Variants in CFAP47 observed in about 807,000 individuals in gnomAD.
CFAP47 encodes cilia- and flagella-associated protein 47.
Under a neutral mutation model 148.1 loss-of-function variants are expected in CFAP47, and 29 were observed. The ratio of observed to expected loss-of-function variants is 0.20; its 90% CI spans 0.15 to 0.27. The LOEUF (loss-of-function observed/expected upper bound fraction) is 0.27. CFAP47 is among the 10% of genes least tolerant of loss of function. CFAP47 has a pLI of 1.00. For missense variants in CFAP47, 1,872 were observed against 1,697.5 expected (o/e 1.10, Z -1.81); for synonymous variants, 664 against 577.3 (o/e 1.15, Z -2.15).
In CFAP47 at chrX:36,268,123, T is replaced by G. The variant is rs1556001330; in HGVS notation, c.7445-12364T>G. On this transcript the variant is annotated intron_variant, in intron 49 of 63. Coordinates refer to ENST00000378653, the MANE Select transcript of CFAP47 (RefSeq NM_001304548.2). The stretch of plus-strand genomic sequence containing the variant: ...ATGTCACATACGGCATTTTCTGCCT[T>G]TACATAAGATGATCTGTCCTCTGAT... Among the ~76,000 whole-genome samples the G allele has an allele frequency of 7.1e-5, 8 of 113,470 alleles. No homozygotes were observed. The South Asian group carries it at 2.5e-3, about 36-fold the overall frequency.
At chrX:36,185,461 G>A (rs973121586) in intron 40 of CFAP47, among the ~76,000 whole-genome samples, 5 of 111,368 alleles carry the variant, frequency 4.5e-5, no homozygotes. Context: ...TGAAGGCCAA[G>A]TATGGTAGTT....
rs1941601565 is a variant in CFAP47, at chrX:36,335,974, A to G, written c.8444-12155A>G. Among the ~76,000 whole-genome samples, 4 of 111,198 alleles carry G rather than the reference A, an allele frequency of 3.6e-5. No individual in the cohort carries two copies. In the Admixed American group the frequency reaches 3.8e-4, roughly 11 times the overall value. ...TGAGAAAACTGTAAAGGATAAAGAC[A>G]TACACTATACTTGGCGTTTGTAATA... On this transcript the variant is annotated intron_variant, in intron 57 of 63. Transcript: ENST00000378653.
In CFAP47 at chrX:36,121,735, T is replaced by A. The variant is rs190811851; in HGVS notation, c.5321-16223T>A. ...TCTTTTTATATTGTATAGTACTGTC[T>A]ATGTCTTGTAATGTTTTTGTAGTTA... On this transcript the variant is annotated intron_variant, in intron 33 of 63. Transcript: ENST00000378653. Among the ~76,000 whole-genome samples, 593 of 111,655 alleles carry A rather than the reference T, an allele frequency of 5.3e-3. 3 individuals are homozygous for A. The highest frequency in any genetic ancestry group is 0.017 in the African/African-American group (527 of 30,794).
chrX:36,055,819 C>T (rs1937550325), intron 26 of CFAP47, among the ~76,000 whole-genome samples: 1 of 111,949 alleles, frequency 8.9e-6, no homozygotes, highest in African/African-American at 3.2e-5. Flanking sequence ...TCACCAGCAT[C>T]TGTTGTTTCT....
intron 46 of CFAP47, among the ~76,000 whole-genome samples, chrX:36,229,681 A>G (rs1314023073): frequency 9.1e-6 from 1 of 109,469 alleles, no homozygotes; most frequent in African/African-American, 3.3e-5. Context: ...ACATATGTAT[A>G]CATGTGCCAT....
intron 56 of CFAP47, among the ~76,000 whole-genome samples, chrX:36,318,402 C>A (rs1255374351): frequency 3.6e-5 from 4 of 111,346 alleles, no homozygotes; most frequent in African/African-American, 1.3e-4. Context: ...CCTTCTGTAT[C>A]CATAGGGGAT....
chrX:36,126,549 A>G (rs951654188), intron 33 of CFAP47, among the ~76,000 whole-genome samples: 3 of 112,119 alleles, frequency 2.7e-5, no homozygotes, highest in Non-Finnish European at 5.6e-5. Flanking sequence ...TAGTGCTGCA[A>G]TAAACATACA....
rs1017029901 is a variant in CFAP47, at chrX:36,375,639, T to C, written c.9186-3711T>C. On this transcript the variant is annotated intron_variant, in intron 62 of 63. Transcript: ENST00000378653. Reference sequence around the variant, plus strand: ...GCAGTATTTTGTTTCTTTGGTGGTGTAATATTTCCCTGATTCTTCGTGATC... The same window carrying C: ...GCAGTATTTTGTTTCTTTGGTGGTGCAATATTTCCCTGATTCTTCGTGATC... Among the ~76,000 whole-genome samples the C allele has an allele frequency of 6.2e-5, 7 of 112,697 alleles. No individual in the cohort carries two copies. The Admixed American group carries it at 6.6e-4, about 11-fold the overall frequency.
At chrX:36,191,996 C>A (rs1939871377) in intron 42 of CFAP47, among the ~76,000 whole-genome samples, 1 of 110,642 alleles carries the variant, frequency 9.0e-6, no homozygotes, top group African/African-American at 3.3e-5. Flanking sequence ...ACAACAACAA[C>A]AACAACAAAA....
At chrX:35,937,972 G>T (rs758351417) in intron 2 of CFAP47, among the ~76,000 whole-genome samples, 1 of 111,719 alleles carries the variant, frequency 9.0e-6, no homozygotes, top group South Asian at 3.7e-4. Context: ...GTGATTTTCA[G>T]AGCTTTTTTT....
chrX:36,286,443 T>A (rs1179881791), intron 51 of CFAP47, among the ~76,000 whole-genome samples: 1 of 110,248 alleles, frequency 9.1e-6, no homozygotes, highest in Non-Finnish European at 1.9e-5. Flanking sequence ...AAAAAAAAGA[T>A]TTAAAATACT....
At chrX:36,234,832 G>C (rs1328255066) in intron 46 of CFAP47, among the ~76,000 whole-genome samples, 2 of 111,809 alleles carry the variant, frequency 1.8e-5, no homozygotes, top group African/African-American at 6.5e-5. Context: ...TTCCTTCTAA[G>C]AGACAGGAGC....
chrX:36,299,283 C>T, intron 52 of CFAP47, 131 bp downstream of exon 52: 1 of 367,916 alleles, frequency 2.7e-6, no homozygotes, highest in Non-Finnish European at 4.4e-6. Context: ...AATACTAGTC[C>T]CTGAAAAAAT....
At chrX:36,109,360 G>A (rs1252097041) in intron 33 of CFAP47, among the ~76,000 whole-genome samples, 1 of 111,858 alleles carries the variant, frequency 8.9e-6, no homozygotes, top group Non-Finnish European at 1.9e-5. Context: ...GGTCTTTGGG[G>A]AATCACCACA....
chrX:36,086,042 G>C (rs1482454616), intron 30 of CFAP47, among the ~76,000 whole-genome samples: 1 of 111,585 alleles, frequency 9.0e-6, no homozygotes, highest in Non-Finnish European at 1.9e-5. Context: ...ACTATTATTA[G>C]TATCATCTCA....
chrX:36,258,078 T>G (rs1012611804), intron 49 of CFAP47, among the ~76,000 whole-genome samples: 29 of 112,052 alleles, frequency 2.6e-4, no homozygotes, highest in Non-Finnish European at 4.7e-4. Flanking sequence ...TGCTGAAAAA[T>G]TATTGTGTTC....
intron 49 of CFAP47, among the ~76,000 whole-genome samples, chrX:36,263,054 A>T (rs782767878): frequency 5.4e-5 from 6 of 111,674 alleles, no homozygotes; most frequent in Non-Finnish European, 1.1e-4. Context: ...TCCCATTTTT[A>T]TCAGATTATT....
chrX:36,170,888 G>A (rs1262168219), intron 39 of CFAP47, among the ~76,000 whole-genome samples: 1 of 107,384 alleles, frequency 9.3e-6, no homozygotes, highest in African/African-American at 3.4e-5. Flanking sequence ...TTCCACAATG[G>A]TTGAACTAGT....
chrX:36,089,962 T>G (rs2146781776), intron 30 of CFAP47, among the ~76,000 whole-genome samples: 1 of 112,265 alleles, frequency 8.9e-6, no homozygotes, highest in South Asian at 3.7e-4. Context: ...CCTGAAACTA[T>G]TCCAATATAG....
Sources: gnomAD v4.1 joint callset for allele counts (sites outside exome capture counted in the v4.1 genomes callset) on GRCh38, gnomAD v4.1.1 for gene constraint, MANE v1.5 for transcripts, NCBI Gene and HGNC (gene_info 2026-07-23, HGNC 2026-07-21) for gene names.